Variants in HPGD observed in about 807,000 individuals in gnomAD.
HPGD encodes 15-hydroxyprostaglandin dehydrogenase, also known as 15-hydroxyprostaglandin dehydrogenase [NAD(+)].
In HPGD, 29 loss-of-function variants were observed where a neutral mutation model predicts 30.0. The observed-to-expected ratio is 0.97, with a 90% CI of 0.72 to 1.32. The LOEUF is 1.32. HPGD is among the 40% of genes most tolerant of loss of function. The probability of loss-of-function intolerance (pLI) is 0.00; values close to 1 mark genes in which losing one functional copy is unlikely to be tolerated. For synonymous variants in HPGD, 99 were observed against 112.4 expected (o/e 0.88, Z 0.75); for missense variants, 340 against 322.1 (o/e 1.06, Z -0.43).
At chr4:174,519,301 C>A (rs867410966) in intron 2 of HPGD, among the ~76,000 whole-genome samples, 4 of 151,816 alleles carry the variant, frequency 2.6e-5, no homozygotes, top group Admixed American at 6.6e-5. Flanking sequence ...GCAAGCTCCA[C>A]CTCCCGGGTT....
chr4:174,500,290 A>G (rs1734838995), intron 4 of HPGD, among the ~76,000 whole-genome samples: 1 of 152,190 alleles, frequency 6.6e-6, no homozygotes. Flanking sequence ...AGAAACAAGA[A>G]CTCCAATTCA....
chr4:174,521,750 C>T (rs77455573), intron 2 of HPGD, among the ~76,000 whole-genome samples, 194 bp downstream of exon 2: 3,624 of 152,364 alleles, frequency 0.024, 62 homozygotes, highest in Non-Finnish European at 0.037. Context: ...AGCAGTCTTG[C>T]CTTTCTTTCG....
intron 3 of HPGD, among the ~76,000 whole-genome samples, chr4:174,515,769 T>A (rs1735737489): frequency 6.6e-6 from 1 of 150,996 alleles, no homozygotes; most frequent in Non-Finnish European, 1.5e-5. Flanking sequence ...CTTGAGCAAA[T>A]CAACAAGCAA....
At chr4:174,498,572 A>G (rs924940819) in intron 4 of HPGD, among the ~76,000 whole-genome samples, 3 of 152,196 alleles carry the variant, frequency 2.0e-5, no homozygotes, top group African/African-American at 7.2e-5. Flanking sequence ...TCTAAAATTT[A>G]TATAATGTAA....
chr4:174,518,224 G>T, intron 2 of HPGD, 147 bp from the exon 3 acceptor site: 1 of 561,656 alleles, frequency 1.8e-6, no homozygotes. Flanking sequence ...TTAATTCCTT[G>T]TTTCTCAATG....
At chr4:174,501,647 A>G (rs1356372612) in intron 4 of HPGD, among the ~76,000 whole-genome samples, 1 of 152,194 alleles carries the variant, frequency 6.6e-6, no homozygotes, top group Non-Finnish European at 1.5e-5. Context: ...AAACAAAGAA[A>G]TATTTTCTAA....
intron 6 of HPGD, 139 bp downstream of exon 6, chr4:174,493,012 C>A: frequency 1.4e-6 from 1 of 693,934 alleles, no homozygotes; most frequent in Non-Finnish European, 2.3e-6. Flanking sequence ...ATATTTTCTC[C>A]CAGAGAGTTT....
At chr4:174,519,858 G>A (rs551531834) in intron 2 of HPGD, among the ~76,000 whole-genome samples, 32 of 152,244 alleles carry the variant, frequency 2.1e-4, no homozygotes, top group Non-Finnish European at 3.8e-4. Context: ...CTGTTTGGTG[G>A]TCTCTTCACA....
rs916253280 is a variant in HPGD, at chr4:174,496,436, G to A, written c.422-812C>T. Among the ~76,000 whole-genome samples the A allele has an allele frequency of 1.3e-5, 2 of 151,992 alleles. No individual in the cohort carries two copies. The highest frequency in any genetic ancestry group is 1.3e-4 in the Admixed American group (2 of 15,254). On this transcript the variant is annotated intron_variant, in intron 4 of 6. Transcript: ENST00000296522. The surrounding 1 kb of genome is among the most constrained non-coding windows in gnomAD (Gnocchi z 4.6). ...CAACTCCAGCCTAGCTCAGCTCTCCGAAAAGACACAAAACAACAACAATAA... is the reference window on the plus strand; with the variant it reads ...CAACTCCAGCCTAGCTCAGCTCTCCAAAAAGACACAAAACAACAACAATAA...
In HPGD at chr4:174,496,616, C is replaced by T. The variant is rs548694165; in HGVS notation, c.422-992G>A. Among the ~76,000 whole-genome samples, 19 of 152,170 alleles carry T rather than the reference C, an allele frequency of 1.2e-4. No homozygotes were observed. The highest frequency in any genetic ancestry group is 2.5e-4 in the Non-Finnish European group (17 of 68,040). On this transcript the variant is annotated intron_variant, in intron 4 of 6. Transcript: ENST00000296522. The surrounding 1 kb of genome is among the most constrained non-coding windows in gnomAD (Gnocchi z 4.6). ...TTAATGCTTTTTAAGTTTGTGACTT[C>T]TCTGAGTCAAGTAACAGTGATCCCT...
At chr4:174,503,576 C>T (rs969170101) in intron 4 of HPGD, among the ~76,000 whole-genome samples, 4 of 152,054 alleles carry the variant, frequency 2.6e-5, no homozygotes, top group Non-Finnish European at 5.9e-5. Flanking sequence ...TGGTGCCATG[C>T]GATTTTCTTA....
chr4:174,508,488 A>G (rs1396444773), intron 4 of HPGD, among the ~76,000 whole-genome samples: 4 of 152,188 alleles, frequency 2.6e-5, no homozygotes, highest in African/African-American at 9.6e-5. Context: ...GCAGTAAGAT[A>G]ACTTTAAAAG....
chr4:174,498,348 C>T (rs1394603614), intron 4 of HPGD, among the ~76,000 whole-genome samples: 1 of 151,860 alleles, frequency 6.6e-6, no homozygotes, highest in Non-Finnish European at 1.5e-5. Flanking sequence ...TCATGGAGAT[C>T]TAATTGACAT....
At position 174,492,777 on chromosome 4, in the gene HPGD, T is replaced by G. The variant is rs45498507; in HGVS notation, c.662+374A>C. Among the ~76,000 whole-genome samples, 4,018 of 152,180 alleles carry G rather than the reference T, an allele frequency of 0.026. 77 individuals carry two copies. The highest frequency in any genetic ancestry group is 0.041 in the Non-Finnish European group (2,793 of 67,930). ...GAAAGTATGTGTCCATGTATGTGTG[T>G]GTATCAACTATTTCTTATAAAAGTG... On this transcript the variant is annotated intron_variant, in intron 6 of 6. Transcript: ENST00000296522. This position sits in a 1 kb window ranked among gnomAD's most constrained non-coding sequence, Gnocchi z 4.9.
At chr4:174,521,889 G>C in intron 2 of HPGD, 55 bp downstream of exon 2, 1 of 1,610,962 alleles carries the variant, frequency 6.2e-7, no homozygotes, top group Non-Finnish European at 8.5e-7. Flanking sequence ...CTGCCTTCAG[G>C]TTGTTGCTTG....
chr4:174,517,417 G>C (rs909200500), intron 3 of HPGD, among the ~76,000 whole-genome samples: 1 of 152,058 alleles, frequency 6.6e-6, no homozygotes, highest in Non-Finnish European at 1.5e-5. Flanking sequence ...ATAAGTCAGC[G>C]GTTGACGAGC....
At chr4:174,504,925 C>T (rs999487251) in intron 4 of HPGD, among the ~76,000 whole-genome samples, 3 of 152,186 alleles carry the variant, frequency 2.0e-5, no homozygotes, top group African/African-American at 7.2e-5. Context: ...AACCAGACTT[C>T]GTTCTTCTAT....
intron 4 of HPGD, among the ~76,000 whole-genome samples, chr4:174,505,019 A>T (rs998319265): frequency 6.6e-6 from 1 of 152,098 alleles, no homozygotes; most frequent in Non-Finnish European, 1.5e-5. Context: ...ATAAATAAAA[A>T]CTCGTGTAGA....
rs1307537690 is a variant in HPGD at position 174,522,424 on chromosome 4, C to T, written c.28G>A (p.Val10Met). The T allele has an allele frequency of 6.3e-7, 1 of 1,583,568 alleles. No individual in the cohort carries two copies. Among genetic ancestry groups the T allele is most frequent in the Non-Finnish European group, 8.6e-7 (1 of 1,165,716 alleles). Reference sequence around the variant, plus strand: ...CCTATGCCCTGAGCCGCGCCGGTCACCAGCGCCACTTTGCCGTTCACGTGC... The same window carrying T: ...CCTATGCCCTGAGCCGCGCCGGTCATCAGCGCCACTTTGCCGTTCACGTGC... MHVNGKVAL[V>M]TGAAQGIGRA... Residue 10 changes from valine to methionine, a missense_variant, in exon 1 of 7, where the codon GTG (valine) becomes ATG (methionine). By Grantham distance (21) the Val-to-Met change is conservative. Transcript: ENST00000296522.
Sources: allele counts gnomAD v4.1 joint callset (sites outside exome capture counted in the v4.1 genomes callset), GRCh38; gene constraint gnomAD v4.1.1; non-coding constraint Gnocchi (gnomAD v3.1); transcripts MANE v1.5; gene names NCBI Gene and HGNC (gene_info 2026-07-23, HGNC 2026-07-21).